Variants in DPP6 observed in about 807,000 individuals in gnomAD.
The protein encoded by DPP6 is dipeptidyl peptidase like 6, also known as A-type potassium channel modulatory protein DPP6.
DPP6 carries 69 observed loss-of-function variants against 122.6 expected under a neutral mutation model. That is an observed-to-expected ratio of 0.56 (90% CI 0.46 to 0.69). The LOEUF (loss-of-function observed/expected upper bound fraction) is 0.69, where lower values mean the gene tolerates loss of function less well. DPP6 is among the 30% of genes least tolerant of loss of function. DPP6 has a pLI of 0.00. For missense variants in DPP6, 928 were observed against 1,116.9 expected (o/e 0.83, Z 2.41); for synonymous variants, 418 against 433.1 (o/e 0.97, Z 0.43).
At chr7:154,330,714 C>A (rs1808853114) in intron 1 of DPP6, among the ~76,000 whole-genome samples, 1 of 152,236 alleles carries the variant, frequency 6.6e-6, no homozygotes. Flanking sequence ...CGTTGGTGTA[C>A]ACACCCTCTG....
Position 154,647,439 on chromosome 7 carries a change from C to CCATGT in DPP6, c.680+9567_680+9571dup, listed in dbSNP as rs143511465. On this transcript the variant is annotated intron_variant, in intron 6 of 25. Transcript: ENST00000377770. ...GAAATAAGGGTAGATCTCAGATTAA[C>CCATGT]CATGTTCTTGGGGATTTACTTAATG... is the stretch of plus-strand genomic sequence containing the variant. Among the ~76,000 whole-genome samples the CCATGT allele has an allele frequency of 7.1e-3, 1,052 of 148,080 alleles. 8 individuals carry two copies. Among genetic ancestry groups the CCATGT allele is most frequent in the African/African-American group, 0.025 (990 of 39,864 alleles).
intron 5 of DPP6, among the ~76,000 whole-genome samples, chr7:154,631,378 T>C (rs1353911033): frequency 6.6e-6 from 1 of 152,180 alleles, no homozygotes; most frequent in Non-Finnish European, 1.5e-5. Context: ...AGATGCCACG[T>C]GTTTGGTAGA....
intron 16 of DPP6, among the ~76,000 whole-genome samples, chr7:154,823,833 C>T (rs144607219): frequency 7.9e-5 from 12 of 152,320 alleles, no homozygotes; most frequent in African/African-American, 2.6e-4. Context: ...CATTGCAGCA[C>T]CCAGGCAGAT....
At chr7:154,031,022 A>G (rs1474878293) in intron 1 of DPP6, among the ~76,000 whole-genome samples, 1 of 152,060 alleles carries the variant, frequency 6.6e-6, no homozygotes, top group East Asian at 1.9e-4. Context: ...CAGCCCACCA[A>G]GAGCTCACAT....
chr7:154,550,213 C>CATTTTTATGG (rs1829529060), intron 4 of DPP6, among the ~76,000 whole-genome samples: 3 of 152,120 alleles, frequency 2.0e-5, no homozygotes, highest in Non-Finnish European at 4.4e-5. Context: ...AAGTTACTTC[C>CATTTTTATGG]TTGTTAACCA....
intron 1 of DPP6, among the ~76,000 whole-genome samples, chr7:153,923,252 G>A (rs1563011222): frequency 6.6e-6 from 1 of 152,266 alleles, no homozygotes; most frequent in East Asian, 1.9e-4. Flanking sequence ...AGAAAGACCT[G>A]TTTCCTAAGG....
chr7:154,560,567 T>C (rs1423457435), intron 4 of DPP6, among the ~76,000 whole-genome samples: 1 of 152,186 alleles, frequency 6.6e-6, no homozygotes, highest in African/African-American at 2.4e-5. Flanking sequence ...CTAATTTTAA[T>C]ATAAAGACAT....
At chr7:154,058,513 G>A (rs1202688304) in intron 1 of DPP6, 1 of 136,006 alleles carries the variant, frequency 7.4e-6, no homozygotes, top group Admixed American at 7.3e-5. Flanking sequence ...CAGGGACTGA[G>A]AGCCAACCCC....
At chr7:154,522,414 A>C (rs6956780) in intron 3 of DPP6, among the ~76,000 whole-genome samples, 33,537 of 152,080 alleles carry the variant, frequency 0.22, 3,713 homozygotes, top group Middle Eastern at 0.28. Flanking sequence ...GAGGGAGCTC[A>C]TTAACCAGCC....
the DPP6 span, among the ~76,000 whole-genome samples, chr7:153,762,780 CA>C: frequency 6.6e-6 from 1 of 151,438 alleles, no homozygotes; most frequent in Non-Finnish European, 1.5e-5. Context: ...AACTCCATCT[CA>C]AAAAAAATAA....
At chr7:154,336,372 G>T (rs981745294) in intron 1 of DPP6, among the ~76,000 whole-genome samples, 1 of 152,132 alleles carries the variant, frequency 6.6e-6, no homozygotes, top group Non-Finnish European at 1.5e-5. Context: ...GAGGGCTCTT[G>T]GTCCATCTTG....
intron 1 of DPP6, among the ~76,000 whole-genome samples, chr7:154,070,961 C>T (rs181490998): frequency 3.3e-5 from 5 of 152,228 alleles, no homozygotes; most frequent in East Asian, 3.9e-4. Context: ...TGAGCAGGAA[C>T]GCTTGAATAT....
intron 5 of DPP6, among the ~76,000 whole-genome samples, chr7:154,595,704 G>A (rs1372435937): frequency 6.6e-6 from 1 of 152,254 alleles, no homozygotes; most frequent in East Asian, 1.9e-4. Context: ...GGCAGGAATG[G>A]CCTTTATTTG....
At chr7:154,321,949 G>T (rs981955864) in intron 1 of DPP6, among the ~76,000 whole-genome samples, 2 of 151,980 alleles carry the variant, frequency 1.3e-5, no homozygotes, top group African/African-American at 4.8e-5. Flanking sequence ...GAAAACCCCC[G>T]CCAGCGAAGG....
In DPP6 at chr7:154,876,044, C is replaced by G. The variant is rs774130822; in HGVS notation, c.2022C>G (p.His674Gln). Residue 674 changes from histidine (H) to glutamine (Q), a missense_variant, in exon 20 of 26, where the codon CAC becomes CAG. Coordinates refer to ENST00000377770, the MANE Select transcript of DPP6 (RefSeq NM_130797.4). Reference sequence around the variant, plus strand: ...GCTTCCAAGGGACCAAGCTCCTGCACGAAGTGAGGCGGCGGCTGGGCTTGC... The same window carrying G: ...GCTTCCAAGGGACCAAGCTCCTGCAGGAAGTGAGGCGGCGGCTGGGCTTGC... The part of the protein sequence containing the change: ...GSGFQGTKLL[H>Q]EVRRRLGLLE... The G allele has an allele frequency of 2.5e-6, 4 of 1,611,112 alleles. No individual in the cohort carries two copies. The highest frequency in any genetic ancestry group is 2.2e-5 in the East Asian group (1 of 44,788).
At chr7:154,764,714 T>A (rs1227657742) in intron 8 of DPP6, among the ~76,000 whole-genome samples, 1 of 152,182 alleles carries the variant, frequency 6.6e-6, no homozygotes, top group Admixed American at 6.5e-5. Flanking sequence ...CCTTGCCCAC[T>A]TTCCCCGAGT....
Position 154,440,808 on chromosome 7 carries a change from T to C in DPP6, c.244-5406T>C, listed in dbSNP as rs899734716. Among the ~76,000 whole-genome samples, 4 of 152,132 alleles carry C rather than the reference T, an allele frequency of 2.6e-5. No individual in the cohort carries two copies. The East Asian group carries it at 5.8e-4, about 22-fold the overall frequency. On this transcript the variant is annotated intron_variant, in intron 1 of 25. Coordinates refer to ENST00000377770, the MANE Select transcript of DPP6 (RefSeq NM_130797.4). ...CCCCTCTGCCTTTAGCTAAGGGACA[T>C]AGAATGCACAATTGCCAGCTGTCCC...
chr7:154,115,025 A>G (rs563181563), intron 1 of DPP6, among the ~76,000 whole-genome samples: 1 of 152,312 alleles, frequency 6.6e-6, no homozygotes, highest in South Asian at 2.1e-4. Flanking sequence ...CTGGGTTCAC[A>G]TCTTGTTTTC....
intron 1 of DPP6, among the ~76,000 whole-genome samples, chr7:153,962,772 C>A (rs1795419772): frequency 6.6e-6 from 1 of 152,192 alleles, no homozygotes; most frequent in African/African-American, 2.4e-5. Context: ...CTAAGAATCA[C>A]CTTCAGACAC....
Sources: gnomAD v4.1 joint callset for allele counts (sites outside exome capture counted in the v4.1 genomes callset) on GRCh38, gnomAD v4.1.1 for gene constraint, MANE v1.5 for transcripts, NCBI Gene and HGNC (gene_info 2026-07-23, HGNC 2026-07-21) for gene names.